Variants in PDZD7 observed in about 807,000 individuals in gnomAD.
PDZD7 encodes PDZ domain-containing protein 7.
In PDZD7, 72 loss-of-function variants were observed where a neutral mutation model predicts 84.7. The observed-to-expected ratio is 0.85, with a 90% CI of 0.70 to 1.03. The LOEUF (loss-of-function observed/expected upper bound fraction) is 1.03, where lower values mean the gene tolerates loss of function less well. PDZD7 is among the 50% of genes least tolerant of loss of function. The probability of loss-of-function intolerance (pLI) is 0.00; values close to 1 mark genes in which losing one functional copy is unlikely to be tolerated. For synonymous variants in PDZD7, 594 were observed against 580.7 expected (o/e 1.02, Z -0.33); for missense variants, 1,490 against 1,412.9 (o/e 1.05, Z -0.87).
intron 8 of PDZD7, 46 bp downstream of exon 8, chr10:101,018,776 G>C: frequency 6.5e-7 from 1 of 1,533,412 alleles, no homozygotes; most frequent in Non-Finnish European, 8.8e-7. Flanking sequence ...ACAGGTTTTG[G>C]ACCAGAGGCT....
chr10:101,030,436 C>T (rs1202805645), intron 1 of PDZD7, 52 bp from the exon 2 acceptor site: 3 of 668,940 alleles, frequency 4.5e-6, no homozygotes, highest in Non-Finnish European at 8.2e-6. Context: ...TCCCCTGCTG[C>T]CCCCTAAAAC....
At position 101,023,427 on chromosome 10, in the gene PDZD7, G is replaced by A; in HGVS notation, c.542+9C>T. ...AGGCCAGGGCTAGGATGAGGGAGTT[G>A]CTGCTCACCACGTGGTCTTCTCCTT... On this transcript the variant is annotated intron_variant, in intron 4 of 16. Coordinates refer to ENST00000619208, the MANE Select transcript of PDZD7 (RefSeq NM_001195263.2). The A allele has an allele frequency of 4.3e-6, 7 of 1,614,032 alleles. No individual in the cohort carries two copies. The highest frequency in any genetic ancestry group is 5.9e-6 in the Non-Finnish European group (7 of 1,180,002).
At chr10:101,012,792 G>C (rs1852442951) in intron 11 of PDZD7, among the ~76,000 whole-genome samples, 1 of 152,226 alleles carries the variant, frequency 6.6e-6, no homozygotes, top group Admixed American at 6.5e-5. Context: ...GGCTGTCCCA[G>C]CATATGTCTG....
chr10:101,016,116 T>A (rs1003504988), intron 10 of PDZD7, among the ~76,000 whole-genome samples: 2 of 152,198 alleles, frequency 1.3e-5, no homozygotes, highest in Non-Finnish European at 2.9e-5. Context: ...ACAGGCTCCC[T>A]CATCACCCCC....
chr10:101,012,034 A>G lies in PDZD7; in HGVS notation c.1842-18T>C, dbSNP rs1194490309. 4.5e-6 allele frequency: 7 copies of G among 1,546,146 alleles called. No individual in the cohort carries two copies. Among genetic ancestry groups the G allele is most frequent in the Non-Finnish European group, 6.1e-6 (7 of 1,143,412 alleles). ...CCACACTCCTGGGAGAGGGCGAGAG[A>G]CAGCAGGGGTGGGAGGGGCAGGCAG... On this transcript the variant is annotated intron_variant, in intron 12 of 16. Coordinates refer to ENST00000619208, the MANE Select transcript of PDZD7 (RefSeq NM_001195263.2).
intron 9 of PDZD7, chr10:101,017,822 G>A (rs1160913710): frequency 5.6e-6 from 2 of 354,080 alleles, no homozygotes; most frequent in Admixed American, 6.9e-5. Flanking sequence ...AGAAAGGAAA[G>A]AAAGGAAGGA....
chr10:101,014,973 C>A lies in PDZD7; in HGVS notation c.1749+663G>T, dbSNP rs144336358. Among the ~76,000 whole-genome samples, 22 of 152,328 alleles carry A rather than the reference C, an allele frequency of 1.4e-4. 1 individual carries two copies. In the East Asian group the frequency reaches 4.2e-3, roughly 29 times the overall value. On this transcript the variant is annotated intron_variant, in intron 11 of 16. Coordinates refer to ENST00000619208, the MANE Select transcript of PDZD7 (RefSeq NM_001195263.2). The stretch of plus-strand genomic sequence containing the variant: ...AGGGACAGGAGAGGACCTGCCAGTC[C>A]TGGAGTGAGTGACCTGTGCCCCACA...
At chr10:101,030,562 C>G (rs1938077735) in intron 1 of PDZD7, 178 bp from the exon 2 acceptor site, 1 of 484,520 alleles carries the variant, frequency 2.1e-6, no homozygotes, top group Non-Finnish European at 3.8e-6. Flanking sequence ...CTCTCGCTGA[C>G]TTTATACAAG....
chr10:101,008,515 G>A lies in PDZD7; in HGVS notation c.3054C>T (p.Ala1018=). ...CGGGCTTAGAATCAGGAGTCTGGAG[G>A]GCTGGGGAGGGGGCTGGGCTGGGAG... ...QPTPSPAPSP[A]LQTPDSKPAP... Residue 1018 remains alanine, a synonymous_variant, in exon 17 of 17, where the codon GCC becomes GCT. Transcript: ENST00000619208. 6.5e-7 allele frequency: 1 copy of A among 1,533,708 alleles called. No homozygotes were observed. Among genetic ancestry groups the A allele is most frequent in the Non-Finnish European group, 8.7e-7 (1 of 1,145,984 alleles).
At chr10:101,011,012 C>T (rs1308161807) in intron 14 of PDZD7, 129 bp from the exon 15 acceptor site, 3 of 1,485,058 alleles carry the variant, frequency 2.0e-6, no homozygotes, top group East Asian at 5.0e-5. Context: ...TGCGGCCCAC[C>T]CACCGGGGAG....
chr10:101,015,583 G>A, intron 11 of PDZD7, 53 bp downstream of exon 11: 1 of 1,490,168 alleles, frequency 6.7e-7, no homozygotes, highest in Non-Finnish European at 9.0e-7. Context: ...TGAATGATGG[G>A]CTGGGTGACT....
intron 4 of PDZD7, 102 bp downstream of exon 4, chr10:101,023,334 C>G: frequency 7.0e-7 from 1 of 1,432,342 alleles, no homozygotes; most frequent in Middle Eastern, 2.3e-4. Flanking sequence ...AGCCAGCGAG[C>G]AGGAGGAACA....
chr10:101,020,720 T>A (rs780474485), intron 6 of PDZD7, 42 bp from the exon 7 acceptor site: 1 of 1,511,516 alleles, frequency 6.6e-7, no homozygotes, highest in South Asian at 1.1e-5. Flanking sequence ...GGGGGAGCAG[T>A]GAGGAGGGAG....
intron 16 of PDZD7, 74 bp downstream of exon 16, chr10:101,009,176 A>G (rs938075400): frequency 2.3e-6 from 3 of 1,331,266 alleles, no homozygotes; most frequent in Non-Finnish European, 2.1e-6. Context: ...CTGGAAGCTG[A>G]GCATGGCCAG....
In PDZD7 at chr10:101,023,547, G is replaced by C; in HGVS notation, c.431C>G (p.Thr144Ser). 9 of 1,614,036 alleles carry C rather than the reference G, an allele frequency of 5.6e-6. 1 individual carries two copies. The South Asian group carries it at 9.9e-5, about 18-fold the overall frequency. ...CACCTTTACGGCGCTACCCATGGTG[G>C]TGCTCTCCAGGCTCAGCCCATTCAC... Reference protein sequence around the residue: ...TEVNGLSLESTTMGSAVKVLT... With the variant: ...TEVNGLSLESSTMGSAVKVLT... Residue 144 changes from threonine to serine, a missense_variant, in exon 4 of 17, where the codon ACC becomes AGC. Transcript: ENST00000619208.
chr10:101,009,118 C>G, intron 16 of PDZD7, 132 bp downstream of exon 16: 3 of 861,552 alleles, frequency 3.5e-6, no homozygotes, highest in Non-Finnish European at 5.3e-6. Flanking sequence ...CTCACCTGAA[C>G]CCCCTCACCC....
At chr10:101,030,476 T>C (rs1002802726) in intron 1 of PDZD7, 92 bp from the exon 2 acceptor site, 1 of 625,016 alleles carries the variant, frequency 1.6e-6, no homozygotes, top group Non-Finnish European at 2.9e-6. Flanking sequence ...TTAAGCATCC[T>C]GCCCTCCCAT....
At chr10:101,013,902 T>G (rs1286149424) in intron 11 of PDZD7, among the ~76,000 whole-genome samples, 1 of 146,954 alleles carries the variant, frequency 6.8e-6, no homozygotes, top group Non-Finnish European at 1.5e-5. Context: ...CAGGTTGGAG[T>G]GCAATGGCAC....
At chr10:101,015,291 T>C (rs1289612676) in intron 11 of PDZD7, among the ~76,000 whole-genome samples, 2 of 152,198 alleles carry the variant, frequency 1.3e-5, no homozygotes, top group African/African-American at 4.8e-5. Context: ...CCGCTCCTTC[T>C]CTTCTCAGCT....
Sources: allele counts gnomAD v4.1 joint callset (sites outside exome capture counted in the v4.1 genomes callset), GRCh38; gene constraint gnomAD v4.1.1; transcripts MANE v1.5; gene names NCBI Gene and HGNC (gene_info 2026-07-23, HGNC 2026-07-21).